P2RX5: variants seen among roughly 807,000 people sequenced by gnomAD.
P2RX5 encodes the protein purinergic receptor P2X 5, also known as P2X purinoceptor 5.
P2RX5 carries 46 observed loss-of-function variants against 54.1 expected under a neutral mutation model. The ratio of observed to expected loss-of-function variants is 0.85; its 90% CI spans 0.67 to 1.09. The LOEUF (loss-of-function observed/expected upper bound fraction) is 1.09, where lower values mean the gene tolerates loss of function less well. Among genes scored for constraint, P2RX5 ranks in the 50% least tolerant of loss-of-function variants. The pLI, the probability that P2RX5 is intolerant of heterozygous loss-of-function variation, is 0.00. For missense variants in P2RX5, 566 were observed against 549.8 expected (o/e 1.03, Z -0.29); for synonymous variants, 226 against 226.4 (o/e 1.00, Z 0.02).
chr17:3,677,910 CCTCA>C (rs1347060170), intron 11 of P2RX5: 10 of 985,322 alleles, frequency 1.0e-5, no homozygotes, highest in African/African-American at 1.7e-5. Context: ...AGGCTCCCCT[CCTCA>C]CTCAGCAAAA....
At chr17:3,709,094 G>A in the P2RX5 span, among the ~76,000 whole-genome samples, 1 of 152,136 alleles carries the variant, frequency 6.6e-6, no homozygotes, top group African/African-American at 2.4e-5. Context: ...TGGGATTACA[G>A]GCGCCTGCCA....
the P2RX5 span, among the ~76,000 whole-genome samples, chr17:3,704,990 G>C: frequency 6.6e-6 from 1 of 152,146 alleles, no homozygotes; most frequent in South Asian, 2.1e-4. Flanking sequence ...TGGACAACAA[G>C]AGCAAAACTC....
chr17:3,702,039 A>G, the P2RX5 span, among the ~76,000 whole-genome samples: 1 of 152,146 alleles, frequency 6.6e-6, no homozygotes, highest in Admixed American at 6.5e-5. Context: ...TGGGCCTCCC[A>G]AAGTGCTGGT....
At chr17:3,723,798 C>T in the P2RX5 span, 13 of 1,591,748 alleles carry the variant, frequency 8.2e-6, no homozygotes, top group Non-Finnish European at 1.1e-5. Flanking sequence ...CGCCAGTTTT[C>T]CGTCCCGTCC....
At position 3,688,768 on chromosome 17, in the gene P2RX5, AAG is replaced by A; in HGVS notation, c.754-11_754-10del. 2.5e-6 allele frequency: 4 copies of A among 1,613,950 alleles called. No homozygotes were observed. Among genetic ancestry groups the A allele is most frequent in the Non-Finnish European group, 3.4e-6 (4 of 1,179,940 alleles). On this transcript the variant is annotated splice_polypyrimidine_tract_variant and intron_variant, in intron 7 of 11. Coordinates refer to ENST00000225328, the MANE Select transcript of P2RX5 (RefSeq NM_002561.4). ...ATTCCTATCACGCCACCCTTGATAA[AAG>A]AGAGATGAGGGTCAGCACACACAGC...
At chr17:3,719,252 A>AAAAAGAAAAG in the P2RX5 span, among the ~76,000 whole-genome samples, 85 of 130,286 alleles carry the variant, frequency 6.5e-4, 1 homozygote, top group Non-Finnish European at 9.5e-4. Flanking sequence ...AAAAAAAAAA[A>AAAAAGAAAAG]AAAAGAAAAG....
chr17:3,692,211 G>T (rs2050638152), intron 1 of P2RX5, among the ~76,000 whole-genome samples: 1 of 151,864 alleles, frequency 6.6e-6, no homozygotes, highest in Non-Finnish European at 1.5e-5. Flanking sequence ...CAGCTACTCA[G>T]GAGGCTGAGG....
chr17:3,693,484 C>G (rs377710713), intron 1 of P2RX5, among the ~76,000 whole-genome samples: 148 of 152,314 alleles, frequency 9.7e-4, no homozygotes, highest in African/African-American at 3.5e-3. Context: ...GCCTGTCATC[C>G]CAGCACTTTG....
rs1267954086 is a variant in P2RX5 at position 3,690,164 on chromosome 17, C to T, written c.534-14G>A. ...AGGAATGGCTCCCTGAAAACCAACC[C>T]AGAACAGCCTGTCCAGGAGGCCCCA... On this transcript the variant is annotated splice_polypyrimidine_tract_variant and intron_variant, in intron 5 of 11. Coordinates refer to ENST00000225328, the MANE Select transcript of P2RX5 (RefSeq NM_002561.4). 3 of 1,612,892 alleles carry T rather than the reference C, an allele frequency of 1.9e-6. No homozygotes were observed. Among genetic ancestry groups the T allele is most frequent in the Admixed American group, 1.7e-5 (1 of 60,036 alleles).
chr17:3,698,103 G>A (rs1385941687), upstream of P2RX5, among the ~76,000 whole-genome samples: 2 of 151,588 alleles, frequency 1.3e-5, no homozygotes, highest in African/African-American at 2.4e-5. Context: ...TCATGACTGC[G>A]AATTTTAGGG....
the P2RX5 span, among the ~76,000 whole-genome samples, chr17:3,711,653 G>A: frequency 2.5e-4 from 38 of 151,600 alleles, no homozygotes; most frequent in East Asian, 7.0e-3. Flanking sequence ...CGAAGTGCTG[G>A]GATTACAGGC....
At chr17:3,707,366 G>C in the P2RX5 span, among the ~76,000 whole-genome samples, 516 of 152,280 alleles carry the variant, frequency 3.4e-3, 3 homozygotes, top group African/African-American at 0.012. Context: ...TAGAGGTACT[G>C]GTGTCCTTAA....
intron 11 of P2RX5, chr17:3,675,271 C>A (rs222761): frequency 0.41 from 301,231 of 739,522 alleles, 63,613 homozygotes; most frequent in African/African-American, 0.65. Context: ...AACTCCTGAA[C>A]TCAGGCAATC....
At chr17:3,688,511 G>T (rs1274337501) in intron 8 of P2RX5, 115 bp downstream of exon 8, 3 of 1,148,774 alleles carry the variant, frequency 2.6e-6, no homozygotes, top group Non-Finnish European at 3.9e-6. Flanking sequence ...ATCTGTCCCT[G>T]CACCTCCCGC....
At position 3,689,614 on chromosome 17, in the gene P2RX5, C is replaced by T. The variant is rs761490990; in HGVS notation, c.631G>A (p.Val211Ile). ...GATTTCAGGAAAGATCTGTCCTTGA[C>T]GTCCATCACATTGCTTCTGGGTGGA... ...FNFSKSNVMDVKDRSFLKSCH... is the reference protein window; with the variant it reads ...FNFSKSNVMDIKDRSFLKSCH... Residue 211 changes from valine to isoleucine, a missense_variant, in exon 7 of 12, where the codon GTC becomes ATC. Coordinates refer to ENST00000225328, the MANE Select transcript of P2RX5 (RefSeq NM_002561.4). 11 of 1,614,182 alleles carry T rather than the reference C, an allele frequency of 6.8e-6. No individual in the cohort carries two copies. Among genetic ancestry groups the T allele is most frequent in the South Asian group, 2.2e-5 (2 of 91,086 alleles).
chr17:3,676,153 C>G, intron 11 of P2RX5: 1 of 985,468 alleles, frequency 1.0e-6, no homozygotes, highest in Non-Finnish European at 1.2e-6. Context: ...CGGGCAATGG[C>G]GAGGGCTGAG....
At chr17:3,674,856 C>T (rs1405970347) in intron 11 of P2RX5, among the ~76,000 whole-genome samples, 5 of 152,162 alleles carry the variant, frequency 3.3e-5, no homozygotes, top group East Asian at 1.9e-4. Context: ...CACCCCATTC[C>T]GTCTGTGATG....
the P2RX5 span, among the ~76,000 whole-genome samples, chr17:3,713,691 G>A: frequency 6.9e-4 from 104 of 151,360 alleles, no homozygotes; most frequent in Non-Finnish European, 2.7e-4. Flanking sequence ...CGGAGGTTGC[G>A]GTGAGCCAAG....
the P2RX5 span, among the ~76,000 whole-genome samples, chr17:3,703,903 CCAG>C: frequency 6.6e-6 from 1 of 152,146 alleles, no homozygotes; most frequent in Non-Finnish European, 1.5e-5. Flanking sequence ...GAGTTCGAGA[CCAG>C]CCTGACCAAC....
Sources: gnomAD v4.1 joint callset for allele counts (sites outside exome capture counted in the v4.1 genomes callset) on GRCh38, gnomAD v4.1.1 for gene constraint, MANE v1.5 for transcripts, NCBI Gene and HGNC (gene_info 2026-07-23, HGNC 2026-07-21) for gene names.